The following FAM227B variants were observed in gnomAD, a reference collection of about 807,000 sequenced individuals.
FAM227B encodes family with sequence similarity 227 member B, also known as protein FAM227B.
A neutral mutation model predicts 73.8 loss-of-function variants in FAM227B; 88 were observed. That is an observed-to-expected ratio of 1.19 (90% confidence interval 1.00 to 1.42). The LOEUF (loss-of-function observed/expected upper bound fraction) is 1.42. FAM227B is among the 40% of genes most tolerant of loss of function. The pLI is 0.00. For missense variants in FAM227B, 632 were observed against 590.9 expected (o/e 1.07, Z -0.72); for synonymous variants, 210 against 190.5 (o/e 1.10, Z -0.84).
chr15:49,598,304 T>C (rs1433196702), intron 3 of FAM227B, among the ~76,000 whole-genome samples: 2 of 152,092 alleles, frequency 1.3e-5, no homozygotes, highest in South Asian at 2.1e-4. Flanking sequence ...TTTTTGAATG[T>C]TGATTCCATG....
chr15:49,477,963 C>A (rs577497516), intron 11 of FAM227B, among the ~76,000 whole-genome samples: 1 of 152,200 alleles, frequency 6.6e-6, no homozygotes, highest in South Asian at 2.1e-4. Flanking sequence ...GGTACATGTG[C>A]AGGTCTGTTA....
intron 12 of FAM227B, 83 bp from the exon 13 acceptor site, chr15:49,367,691 G>C: frequency 8.0e-7 from 1 of 1,244,470 alleles, no homozygotes; most frequent in Non-Finnish European, 1.1e-6. Flanking sequence ...TTCATATTTA[G>C]CATAAAGTTA....
chr15:49,615,045 G>C, intron 2 of FAM227B, 76 bp downstream of exon 2: 1 of 1,342,072 alleles, frequency 7.5e-7, no homozygotes, highest in South Asian at 1.2e-5. Flanking sequence ...GCTCTACCTG[G>C]GAGCCCTGAT....
intron 9 of FAM227B, among the ~76,000 whole-genome samples, chr15:49,566,303 T>C (rs1254435138): frequency 1.3e-5 from 2 of 152,210 alleles, no homozygotes; most frequent in Non-Finnish European, 2.9e-5. Flanking sequence ...ATATTCTATT[T>C]GTGGTACACA....
At chr15:49,414,445 G>A (rs558511230) in intron 11 of FAM227B, among the ~76,000 whole-genome samples, 1 of 152,274 alleles carries the variant, frequency 6.6e-6, no homozygotes, top group East Asian at 1.9e-4. Flanking sequence ...CCAAGTGAGA[G>A]AGCCTAGTGT....
intron 10 of FAM227B, among the ~76,000 whole-genome samples, chr15:49,515,973 T>TC (rs1362132643): frequency 5.9e-5 from 9 of 152,150 alleles, no homozygotes; most frequent in African/African-American, 2.2e-4. Flanking sequence ...TTCTCAATGA[T>TC]CCAGAGTTGC....
At chr15:49,609,076 T>C (rs1049341101) in intron 3 of FAM227B, among the ~76,000 whole-genome samples, 24 of 151,812 alleles carry the variant, frequency 1.6e-4, no homozygotes, top group African/African-American at 5.3e-4. Flanking sequence ...ATCTGGCAAA[T>C]AGTGGGTAGT....
chr15:49,352,940 A>G (rs764750115), intron 13 of FAM227B, among the ~76,000 whole-genome samples: 6 of 152,178 alleles, frequency 3.9e-5, no homozygotes, highest in Non-Finnish European at 8.8e-5. Context: ...ACTGCAGTGT[A>G]TTAAACTTAG....
At chr15:49,397,741 C>T (rs2047798680) in intron 11 of FAM227B, among the ~76,000 whole-genome samples, 1 of 152,042 alleles carries the variant, frequency 6.6e-6, no homozygotes, top group South Asian at 2.1e-4. Flanking sequence ...CATATCCAGC[C>T]AAACTAAGCT....
intron 11 of FAM227B, among the ~76,000 whole-genome samples, chr15:49,466,230 C>A (rs746312985): frequency 6.6e-6 from 1 of 152,136 alleles, no homozygotes; most frequent in South Asian, 2.1e-4. Flanking sequence ...TTCTGAGGAA[C>A]GGGAACTGGA....
chr15:49,615,567 A>G (rs2078237891), intron 1 of FAM227B, among the ~76,000 whole-genome samples: 1 of 152,124 alleles, frequency 6.6e-6, no homozygotes, highest in African/African-American at 2.4e-5. Context: ...CCAGCCATGT[A>G]GGACGCATCT....
At chr15:49,488,170 A>G (rs1460337467) in intron 11 of FAM227B, 5 of 151,972 alleles carry the variant, frequency 3.3e-5, no homozygotes, top group Admixed American at 2.6e-4. Flanking sequence ...AGTTGGGAAA[A>G]TATCTATTAA....
At chr15:49,347,589 T>C (rs1195460451) in intron 13 of FAM227B, among the ~76,000 whole-genome samples, 2 of 152,170 alleles carry the variant, frequency 1.3e-5, no homozygotes, top group Non-Finnish European at 1.5e-5. Context: ...AGTATTCTTA[T>C]TGGTATCTAG....
At chr15:49,448,656 T>C (rs1156692120) in intron 11 of FAM227B, among the ~76,000 whole-genome samples, 2 of 151,512 alleles carry the variant, frequency 1.3e-5, no homozygotes, top group Non-Finnish European at 3.0e-5. Context: ...TATTTTTTGA[T>C]GAACATCCAC....
At chr15:49,471,361 T>C (rs776311836) in intron 11 of FAM227B, among the ~76,000 whole-genome samples, 1 of 151,754 alleles carries the variant, frequency 6.6e-6, no homozygotes, top group Non-Finnish European at 1.5e-5. Flanking sequence ...GCACAACCTG[T>C]AATTACAGCT....
chr15:49,372,476 T>A, intron 11 of FAM227B, among the ~76,000 whole-genome samples: 1 of 152,180 alleles, frequency 6.6e-6, no homozygotes, highest in East Asian at 1.9e-4. Flanking sequence ...AATGACCCTC[T>A]AATTAAATGC....
intron 9 of FAM227B, among the ~76,000 whole-genome samples, chr15:49,558,094 G>A (rs371047142): frequency 4.6e-4 from 69 of 150,418 alleles, no homozygotes; most frequent in African/African-American, 1.6e-3. Flanking sequence ...TCATCCGGCA[G>A]GGCTTGCTGA....
At chr15:49,573,061 T>C (rs1300145264) in intron 8 of FAM227B, among the ~76,000 whole-genome samples, 6 of 151,970 alleles carry the variant, frequency 3.9e-5, no homozygotes, top group Admixed American at 6.6e-5. Flanking sequence ...TTTTTTCTAA[T>C]GCAGGCATTT....
At chr15:49,349,350 G>C (rs2151289572) in intron 13 of FAM227B, among the ~76,000 whole-genome samples, 1 of 152,084 alleles carries the variant, frequency 6.6e-6, no homozygotes, top group Non-Finnish European at 1.5e-5. Flanking sequence ...TTAACTGGCA[G>C]AGTTTATAAA....
Sources: allele counts gnomAD v4.1 joint callset (sites outside exome capture counted in the v4.1 genomes callset), GRCh38; gene constraint gnomAD v4.1.1; transcripts MANE v1.5; gene names NCBI Gene and HGNC (gene_info 2026-07-23, HGNC 2026-07-21).